SNRNP200: variants seen among roughly 807,000 people sequenced by gnomAD.
The protein encoded by SNRNP200 is small nuclear ribonucleoprotein U5 subunit 200, also known as U5 small nuclear ribonucleoprotein 200 kDa helicase.
In SNRNP200, 66 loss-of-function variants were observed where a neutral mutation model predicts 255.2. That is an observed-to-expected ratio of 0.26 (90% confidence interval 0.21 to 0.32). The LOEUF (loss-of-function observed/expected upper bound fraction) is 0.32, where lower values mean the gene tolerates loss of function less well. Ranked by LOEUF, SNRNP200 falls within the 10% of genes least tolerant of loss-of-function variation. The pLI is 1.00. For missense variants in SNRNP200, 1,585 were observed against 2,749.8 expected (o/e 0.58, Z 9.47); for synonymous variants, 939 against 1,027.8 (o/e 0.91, Z 1.65).
At chr2:96,289,765 G>C in intron 21 of SNRNP200, 34 bp downstream of exon 21, 1 of 1,608,662 alleles carries the variant, frequency 6.2e-7, no homozygotes, top group Non-Finnish European at 8.5e-7. Flanking sequence ...AACTTTTGCT[G>C]AGACCTTTGC....
chr2:96,274,791 T>C lies in SNRNP200; in HGVS notation c.*221A>G. ...TCAAAAGAACTACCAGGAACATGCC[T>C]GAAAATGCTATATATGATTTATGCT... On this transcript the variant is annotated 3_prime_UTR_variant, in exon 45 of 45. Coordinates refer to ENST00000323853, the MANE Select transcript of SNRNP200 (RefSeq NM_014014.5). 1.7e-6 allele frequency: 1 copy of C among 589,960 alleles called. No individual in the cohort carries two copies. The allele number at this position is 589,960 out of a possible 1,614,324, so 36.5% of individuals were successfully genotyped here. A position where few individuals can be genotyped will look rare whatever the true frequency, so the allele number is the denominator to read the frequency against.
At chr2:96,299,037 A>G (rs1180571840) in intron 6 of SNRNP200, 70 bp from the exon 7 acceptor site, 8 of 1,595,826 alleles carry the variant, frequency 5.0e-6, no homozygotes, top group Non-Finnish European at 4.3e-6. Context: ...ACCACCCTGC[A>G]ACCAAGTTCT....
chr2:96,293,038 G>A lies in SNRNP200; in HGVS notation c.2094C>T (p.Ile698=), dbSNP rs182700539. ...TYVGITEKKA[I]KRFQIMNEIV... ...TTTCATTCATGATCTGGAAACGCTT[G>A]ATAGCTTTTTTCTCTGTGATACCCA... Residue 698 remains isoleucine (I), a synonymous_variant, in exon 16 of 45, where the codon ATC becomes ATT. Transcript: ENST00000323853. 2.5e-6 allele frequency: 4 copies of A among 1,614,022 alleles called. No homozygotes were observed. In the East Asian group the frequency reaches 8.9e-5, roughly 36 times the overall value.
Position 96,287,621 on chromosome 2 carries a change from A to G in SNRNP200, c.3366-64T>C. 3.3e-6 allele frequency: 4 copies of G among 1,196,050 alleles called. No individual in the cohort carries two copies. Among genetic ancestry groups the G allele is most frequent in the South Asian group, 2.4e-5 (2 of 82,592 alleles). The allele number at this position is 1,196,050 out of a possible 1,614,324, so 74.1% of individuals were successfully genotyped here. ...AGGGATGTGACAAACCACCCACTTC[A>G]TGGCTTCCAATAGTTTAGCAGTGAC... On this transcript the variant is annotated intron_variant, in intron 25 of 44. Transcript: ENST00000323853. This position sits in a 1 kb window ranked among gnomAD's most constrained non-coding sequence, Gnocchi z 5.7.
At position 96,277,306 on chromosome 2, in the gene SNRNP200, CAA is replaced by C; in HGVS notation, c.5932-67_5932-66del. The C allele has an allele frequency of 6.4e-7, 1 of 1,553,566 alleles. No homozygotes were observed. Among genetic ancestry groups the C allele is most frequent in the East Asian group, 2.2e-5 (1 of 44,572 alleles). On this transcript the variant is annotated intron_variant, in intron 41 of 44. Coordinates refer to ENST00000323853, the MANE Select transcript of SNRNP200 (RefSeq NM_014014.5). The surrounding 1 kb of genome is among the most constrained non-coding windows in gnomAD (Gnocchi z 4.4). The stretch of plus-strand genomic sequence containing the variant: ...GGCCAACAGCAAATGACACAGGCAG[CAA>C]AGAGCTACTAATTTTACCTCCTACA...
At chr2:96,281,967 G>A in intron 34 of SNRNP200, 45 bp from the exon 35 acceptor site, 1 of 1,458,808 alleles carries the variant, frequency 6.9e-7, no homozygotes. Flanking sequence ...GGGGTCTCCG[G>A]GTGAAGTAGG....
chr2:96,300,522 A>T (rs1429627709), intron 5 of SNRNP200, among the ~76,000 whole-genome samples: 1 of 152,150 alleles, frequency 6.6e-6, no homozygotes, highest in Non-Finnish European at 1.5e-5. Flanking sequence ...GCACTTTGGG[A>T]GGCCGACGGG....
At chr2:96,302,472 C>A (rs934545989) in intron 3 of SNRNP200, among the ~76,000 whole-genome samples, 2 of 152,182 alleles carry the variant, frequency 1.3e-5, no homozygotes, top group Non-Finnish European at 2.9e-5. Context: ...TATACTCTCA[C>A]AACAATTAAC....
In SNRNP200 at chr2:96,278,274, A is replaced by G; in HGVS notation, c.5573T>C (p.Ile1858Thr). The change falls in exon 39 of 45, where the codon ATT (isoleucine) becomes ACT (threonine). Residue 1858 changes from isoleucine to threonine, a missense_variant. By Grantham distance (89) the Ile-to-Thr change is moderately conservative. Around this residue, in one of 9 missense-constraint regions of SNRNP200, gnomAD observed 279 missense variants for 551.2 expected, o/e 0.51. Transcript: ENST00000323853. This position sits in a 1 kb window ranked among gnomAD's most constrained non-coding sequence, Gnocchi z 6.9. ...ATTGTCTTCATGGTGCCGGATGGGA[A>G]TGTTCTCATACTCTGCTGCATTGGA... Reference protein sequence around the residue: ...IISNAAEYENIPIRHHEDNLL... With the variant: ...IISNAAEYENTPIRHHEDNLL... The G allele has an allele frequency of 6.2e-7, 1 of 1,614,124 alleles. No individual in the cohort carries two copies. Among genetic ancestry groups the G allele is most frequent in the Non-Finnish European group, 8.5e-7 (1 of 1,180,030 alleles).
Position 96,286,545 on chromosome 2 carries a change from A to G in SNRNP200, c.3830-61T>C. ...CTCTCTTTCCCTCACTGGCCTCTAG[A>G]TCCCCTCCATGAACACTGGAAACCT... is the stretch of plus-strand genomic sequence containing the variant. On this transcript the variant is annotated intron_variant, in intron 28 of 44. Coordinates refer to ENST00000323853, the MANE Select transcript of SNRNP200 (RefSeq NM_014014.5). This position sits in a 1 kb window ranked among gnomAD's most constrained non-coding sequence, Gnocchi z 4.8. 5.0e-6 allele frequency: 8 copies of G among 1,604,302 alleles called. No individual in the cohort carries two copies. The highest frequency in any genetic ancestry group is 6.8e-6 in the Non-Finnish European group (8 of 1,173,230).
chr2:96,287,606 C>G lies in SNRNP200; in HGVS notation c.3366-49G>C. The G allele has an allele frequency of 7.4e-7, 1 of 1,354,892 alleles. No homozygotes were observed. The highest frequency in any genetic ancestry group is 1.1e-6 in the Non-Finnish European group (1 of 943,566). 83.9% of individuals were successfully genotyped at this position (1,354,892 alleles called of 1,614,324 possible). A position where few individuals can be genotyped will look rare whatever the true frequency, so the allele number is the denominator to read the frequency against. On this transcript the variant is annotated intron_variant, in intron 25 of 44. Coordinates refer to ENST00000323853, the MANE Select transcript of SNRNP200 (RefSeq NM_014014.5). This position sits in a 1 kb window ranked among gnomAD's most constrained non-coding sequence, Gnocchi z 5.7. ...GTTGGTCCCTTCTGCAGGGATGTGACAAACCACCCACTTCATGGCTTCCAA... is the reference window on the plus strand; with the variant it reads ...GTTGGTCCCTTCTGCAGGGATGTGAGAAACCACCCACTTCATGGCTTCCAA...
At chr2:96,296,842 T>G in intron 12 of SNRNP200, 91 bp downstream of exon 12, 1 of 1,575,952 alleles carries the variant, frequency 6.3e-7, no homozygotes, top group Non-Finnish European at 8.7e-7. Context: ...GGACAAAGAA[T>G]TAGGGGGTGG....
Position 96,278,880 on chromosome 2 carries a change from G to T in SNRNP200, c.5252C>A (p.Ala1751Asp). The change falls in exon 37 of 45, where the codon GCT becomes GAT. Residue 1751 changes from alanine to aspartate, a missense_variant. By Grantham distance (126) the Ala-to-Asp change is moderately radical. Coordinates refer to ENST00000323853, the MANE Select transcript of SNRNP200 (RefSeq NM_014014.5). The surrounding 1 kb of genome is among the most constrained non-coding windows in gnomAD (Gnocchi z 6.9). ...AAAGGTCCAGGTGAGGTAGTCCACAGCATCCTGCTTGTTCTCAATGGTCTT... is the reference window on the plus strand; with the variant it reads ...AAAGGTCCAGGTGAGGTAGTCCACATCATCCTGCTTGTTCTCAATGGTCTT... The part of the protein sequence containing the change: ...VTKTIENKQD[A>D]VDYLTWTFLY... The T allele has an allele frequency of 6.2e-7, 1 of 1,614,202 alleles. No individual in the cohort carries two copies. Among genetic ancestry groups the T allele is most frequent in the Non-Finnish European group, 8.5e-7 (1 of 1,180,044 alleles).
chr2:96,297,206 AT>A, intron 11 of SNRNP200, 136 bp from the exon 12 acceptor site: 1 of 1,493,082 alleles, frequency 6.7e-7, no homozygotes, highest in Non-Finnish European at 9.2e-7. Flanking sequence ...AGAGATCAAT[AT>A]TGTCCCCTGG....
intron 24 of SNRNP200, 108 bp from the exon 25 acceptor site, chr2:96,288,077 C>T: frequency 1.0e-6 from 1 of 997,752 alleles, no homozygotes; most frequent in Non-Finnish European, 1.6e-6. Context: ...AACCACCCAC[C>T]CTAACTCAAA....
Position 96,290,937 on chromosome 2 carries a change from G to T in SNRNP200, c.2422-122C>A. On this transcript the variant is annotated intron_variant, in intron 18 of 44. Coordinates refer to ENST00000323853, the MANE Select transcript of SNRNP200 (RefSeq NM_014014.5). The surrounding 1 kb of genome is among the most constrained non-coding windows in gnomAD (Gnocchi z 4.5). ...AGGACTAGCCGGTAGGGCGCGTGGG[G>T]TCCCAGTACTTGTCAATGTGACACC... is the stretch of plus-strand genomic sequence containing the variant. 9.0e-7 allele frequency: 1 copy of T among 1,111,412 alleles called. No individual in the cohort carries two copies. 68.8% of individuals were successfully genotyped at this position (1,111,412 alleles called of 1,614,324 possible).
chr2:96,289,737 A>T, intron 21 of SNRNP200, 62 bp downstream of exon 21: 3 of 1,533,748 alleles, frequency 2.0e-6, no homozygotes, highest in Non-Finnish European at 9.0e-7. Context: ...AATCTGAAAA[A>T]TTTTTTCCTG....
At chr2:96,288,484 G>A (rs1414278577) in intron 24 of SNRNP200, among the ~76,000 whole-genome samples, 179 bp downstream of exon 24, 2 of 152,136 alleles carry the variant, frequency 1.3e-5, no homozygotes, top group Non-Finnish European at 2.9e-5. Flanking sequence ...ACGTGCTCAA[G>A]ATGTATACTA....
Position 96,290,564 on chromosome 2 carries a change from A to C in SNRNP200, c.2554-50T>G. 1 of 1,613,476 alleles carries C rather than the reference A, an allele frequency of 6.2e-7. No individual in the cohort carries two copies. Among genetic ancestry groups the C allele is most frequent in the East Asian group, 2.2e-5 (1 of 44,880 alleles). ...AATGCTATGTCAAGAGAATGTCTGAATTTTGATGCAGGTATCTACATTACA... is the reference window on the plus strand; with the variant it reads ...AATGCTATGTCAAGAGAATGTCTGACTTTTGATGCAGGTATCTACATTACA... On this transcript the variant is annotated intron_variant, in intron 19 of 44. Coordinates refer to ENST00000323853, the MANE Select transcript of SNRNP200 (RefSeq NM_014014.5). The surrounding 1 kb of genome is among the most constrained non-coding windows in gnomAD (Gnocchi z 4.5).
Sources: gnomAD v4.1 joint callset for allele counts (sites outside exome capture counted in the v4.1 genomes callset) on GRCh38, gnomAD v4.1.1 for gene constraint, gnomAD v4.1.1 regional missense constraint, Gnocchi (gnomAD v3.1) non-coding constraint, MANE v1.5 for transcripts, NCBI Gene and HGNC (gene_info 2026-07-23, HGNC 2026-07-21) for gene names.